Variants in PRDM15 observed in about 807,000 individuals in gnomAD.
PRDM15 encodes the protein PR/SET domain 15.
In PRDM15, 64 loss-of-function variants were observed where a neutral mutation model predicts 128.6. The observed-to-expected ratio is 0.50, with a 90% CI of 0.41 to 0.61. The LOEUF (loss-of-function observed/expected upper bound fraction) is 0.61, where lower values mean the gene tolerates loss of function less well. Among genes scored for constraint, PRDM15 ranks in the 20% least tolerant of loss-of-function variants. The pLI is 0.00. For synonymous variants in PRDM15, 615 were observed against 621.8 expected (o/e 0.99, Z 0.16); for missense variants, 1,242 against 1,569.1 (o/e 0.79, Z 3.52).
Position 41,853,680 on chromosome 21 carries a change from A to G in PRDM15, c.538+886T>C, listed in dbSNP as rs2063495395. Among the ~76,000 whole-genome samples the G allele has an allele frequency of 2.0e-5, 3 of 152,224 alleles. No individual in the cohort carries two copies. In the South Asian group the frequency reaches 6.2e-4, roughly 31 times the overall value. Reference sequence around the variant, plus strand: ...CTGACCCCGGCTTAGCAGGACAGGCACTGTGACCCGCTTTTTCAGCAGGAA... The same window carrying G: ...CTGACCCCGGCTTAGCAGGACAGGCGCTGTGACCCGCTTTTTCAGCAGGAA... On this transcript the variant is annotated intron_variant, in intron 5 of 23. Transcript: ENST00000398548.
chr21:41,816,333 T>C (rs2062051269), intron 18 of PRDM15, among the ~76,000 whole-genome samples: 1 of 152,166 alleles, frequency 6.6e-6, no homozygotes, highest in Non-Finnish European at 1.5e-5. Flanking sequence ...AGGGTGGCCC[T>C]GGCATAGGGG....
intron 1 of PRDM15, among the ~76,000 whole-genome samples, chr21:41,874,523 A>T (rs202212461): frequency 0.095 from 7,461 of 78,270 alleles, 519 homozygotes; most frequent in African/African-American, 0.26. Flanking sequence ...ATATATATAT[A>T]TATTTTTTTT....
Position 41,810,873 on chromosome 21 carries a change from T to C in PRDM15, c.2393-37A>G, listed in dbSNP as rs372336816. 7.5e-6 allele frequency: 12 copies of C among 1,592,702 alleles called. No homozygotes were observed. The highest frequency in any genetic ancestry group is 9.5e-6 in the Non-Finnish European group (11 of 1,160,750). ...GGCGCACATAACTTCCTACGTTTAATGAGTGTTGTAAGTCCACATCAGGGC... is the reference window on the plus strand; with the variant it reads ...GGCGCACATAACTTCCTACGTTTAACGAGTGTTGTAAGTCCACATCAGGGC... On this transcript the variant is annotated intron_variant, in intron 19 of 23. Coordinates refer to ENST00000398548, the MANE Select transcript of PRDM15 (RefSeq NM_001040424.3). The surrounding 1 kb of genome is among the most constrained non-coding windows in gnomAD (Gnocchi z 6.4).
intron 5 of PRDM15, among the ~76,000 whole-genome samples, chr21:41,850,843 C>G (rs1601384332): frequency 6.6e-6 from 1 of 152,086 alleles, no homozygotes; most frequent in East Asian, 1.9e-4. Context: ...AGTACAAAAC[C>G]AAAGTTTTCT....
intron 13 of PRDM15, among the ~76,000 whole-genome samples, chr21:41,824,941 G>A (rs1328576738): frequency 6.6e-6 from 1 of 152,268 alleles, no homozygotes; most frequent in African/African-American, 2.4e-5. Flanking sequence ...CCTCCTGCGG[G>A]GGCCTGTGCT....
At chr21:41,805,026 A>C (rs1461068226) in intron 21 of PRDM15, among the ~76,000 whole-genome samples, 1 of 152,222 alleles carries the variant, frequency 6.6e-6, no homozygotes, top group Non-Finnish European at 1.5e-5. Flanking sequence ...TTTGTGCCTT[A>C]CACATCGTAC....
intron 1 of PRDM15, among the ~76,000 whole-genome samples, chr21:41,860,818 G>T (rs2145916464): frequency 6.6e-6 from 1 of 152,276 alleles, no homozygotes; most frequent in Admixed American, 6.5e-5. Context: ...ACACAGTGGG[G>T]TCTCCTCTTA....
intron 6 of PRDM15, among the ~76,000 whole-genome samples, chr21:41,846,499 T>A (rs117516125): frequency 0.024 from 3,669 of 152,310 alleles, 66 homozygotes; most frequent in Non-Finnish European, 0.039. Context: ...AGCCCAGCAG[T>A]CTGAGCCAGC....
intron 21 of PRDM15, among the ~76,000 whole-genome samples, chr21:41,805,789 C>CCACCTCCATCACCAACACCAT (rs2061543508): frequency 1.4e-5 from 2 of 146,292 alleles, no homozygotes; most frequent in South Asian, 2.2e-4. Flanking sequence ...ACCAACACCA[C>CCACCTCCATCACCAACACCAT]CACCACCAAC....
intron 1 of PRDM15, among the ~76,000 whole-genome samples, chr21:41,868,210 C>T (rs1010193387): frequency 6.6e-6 from 1 of 152,104 alleles, no homozygotes; most frequent in East Asian, 1.9e-4. Flanking sequence ...AGTGCATTAC[C>T]GTTTGTTTAG....
chr21:41,816,894 TA>T (rs66937227), intron 18 of PRDM15, among the ~76,000 whole-genome samples: 147,823 of 149,592 alleles, frequency 0.99, 73,032 homozygotes, highest in South Asian at 1. Context: ...TCCTTTTGAT[TA>T]AAAAAAAAAA....
Position 41,878,848 on chromosome 21 carries a change from G to GA in PRDM15, c.-10+421_-10+422insT, listed in dbSNP as rs1216104558. 15 of 1,009,224 alleles carry GA rather than the reference G, an allele frequency of 1.5e-5. 1 individual carries two copies. The highest frequency in any genetic ancestry group is 1.7e-5 in the Non-Finnish European group (14 of 844,430). The allele number at this position is 1,009,224 out of a possible 1,614,324, so 62.5% of individuals were successfully genotyped here. A position where few individuals can be genotyped will look rare whatever the true frequency, so the allele number is the denominator to read the frequency against. On this transcript the variant is annotated intron_variant, in intron 1 of 23. Transcript: ENST00000398548. ...CGGGGGCCGCGGGGCCGCGGGCCGG[G>GA]GCGGCGAAGACCCTGCGCCGCGCCC...
intron 4 of PRDM15, among the ~76,000 whole-genome samples, chr21:41,856,471 G>T (rs1216838835): frequency 1.3e-5 from 2 of 151,592 alleles, no homozygotes; most frequent in Non-Finnish European, 2.9e-5. Flanking sequence ...AGAAAAGTTT[G>T]CTGACTAACA....
Position 41,854,581 on chromosome 21 carries a change from C to T in PRDM15, c.523G>A (p.Gly175Ser), listed in dbSNP as rs150432488. ...CGCCACATACCGTGGACGCCAGAGCCGGCCTGCTTCAGCATGGGCTTGTCC... is the reference window on the plus strand; with the variant it reads ...CGCCACATACCGTGGACGCCAGAGCTGGCCTGCTTCAGCATGGGCTTGTCC... ...KMDKPMLKQA[G>S]SGVHAAGTPE... Residue 175 changes from glycine to serine, a missense_variant, in exon 5 of 24, where the codon GGC becomes AGC. This residue lies in a region of PRDM15 where 612 missense variants were observed against 717.0 expected (regional missense o/e 0.85). Transcript: ENST00000398548. This position sits in a 1 kb window ranked among gnomAD's most constrained non-coding sequence, Gnocchi z 4.6. The T allele has an allele frequency of 0.01, 16,546 of 1,613,272 alleles. 102 individuals are homozygous for T. Among genetic ancestry groups the T allele is most frequent in the Non-Finnish European group, 0.012 (14,748 of 1,179,974 alleles).
chr21:41,810,148 G>A lies in PRDM15; in HGVS notation c.2652+6C>T, dbSNP rs2061816995. On this transcript the variant is annotated splice_donor_region_variant and intron_variant, in intron 21 of 23. Coordinates refer to ENST00000398548, the MANE Select transcript of PRDM15 (RefSeq NM_001040424.3). This position sits in a 1 kb window ranked among gnomAD's most constrained non-coding sequence, Gnocchi z 6.4. ...GGGCACGGAGGGGGCACAGCCACCA[G>A]CTCACCTCGGGGTGCTTGCGCCGCA... 1.2e-6 allele frequency: 2 copies of A among 1,600,504 alleles called. No homozygotes were observed. Among genetic ancestry groups the A allele is most frequent in the Non-Finnish European group, 8.5e-7 (1 of 1,174,112 alleles).
At chr21:41,836,895 G>A (rs531851196) in intron 8 of PRDM15, 1 of 316,684 alleles carries the variant, frequency 3.2e-6, no homozygotes, top group African/African-American at 2.1e-5. Flanking sequence ...TTCTAACTCT[G>A]GCCACCAGAA....
chr21:41,864,270 CAT>C (rs2063922846), intron 1 of PRDM15, among the ~76,000 whole-genome samples: 1 of 152,180 alleles, frequency 6.6e-6, no homozygotes, highest in Non-Finnish European at 1.5e-5. Context: ...ACTATAACTT[CAT>C]ATCTTACTAG....
At chr21:41,850,019 T>C (rs2063379512) in intron 5 of PRDM15, among the ~76,000 whole-genome samples, 1 of 152,228 alleles carries the variant, frequency 6.6e-6, no homozygotes, top group Non-Finnish European at 1.5e-5. Context: ...ACAGTGATGC[T>C]ATATGTGACT....
At chr21:41,820,266 G>A in intron 16 of PRDM15, 92 bp from the exon 17 acceptor site, 1 of 955,514 alleles carries the variant, frequency 1.0e-6, no homozygotes, top group Non-Finnish European at 1.6e-6. Flanking sequence ...CTGCAAAGGT[G>A]AGGCAACAAG....
Sources: allele counts gnomAD v4.1 joint callset (sites outside exome capture counted in the v4.1 genomes callset), GRCh38; gene constraint gnomAD v4.1.1; regional missense constraint gnomAD v4.1.1; non-coding constraint Gnocchi (gnomAD v3.1); transcripts MANE v1.5; gene names NCBI Gene and HGNC (gene_info 2026-07-23, HGNC 2026-07-21).